The following SRPRB variants were observed in gnomAD, a reference collection of about 807,000 sequenced individuals.
The protein encoded by SRPRB is SRP receptor subunit beta, also known as signal recognition particle receptor subunit beta.
In SRPRB, 20 loss-of-function variants were observed where a neutral mutation model predicts 31.9. That is an observed-to-expected ratio of 0.63 (90% CI 0.44 to 0.91). The LOEUF (loss-of-function observed/expected upper bound fraction) is 0.91, where lower values mean the gene tolerates loss of function less well. SRPRB is among the 40% of genes least tolerant of loss of function. The pLI is 0.00. For synonymous variants in SRPRB, 146 were observed against 132.8 expected (o/e 1.10, Z -0.68); for missense variants, 321 against 324.9 (o/e 0.99, Z 0.09).
chr3:133,786,804 T>C (rs1576373203), intron 1 of SRPRB: 1 of 152,258 alleles, frequency 6.6e-6, no homozygotes, highest in East Asian at 1.9e-4. Flanking sequence ...TCAAGACTTC[T>C]GTGCATATAG....
At chr3:133,800,377 G>C (rs891461014) in intron 1 of SRPRB, among the ~76,000 whole-genome samples, 5 of 152,206 alleles carry the variant, frequency 3.3e-5, no homozygotes, top group Admixed American at 6.5e-5. Context: ...AATAAGCTTA[G>C]ATATGGTGCA....
chr3:133,806,557 A>G (rs1935164408), intron 1 of SRPRB, 52 bp from the exon 2 acceptor site: 4 of 1,441,560 alleles, frequency 2.8e-6, no homozygotes, highest in Non-Finnish European at 3.9e-6. Context: ...CCATGCACAT[A>G]TACTGATTCC....
chr3:133,810,325 T>C (rs938984406), intron 3 of SRPRB: 5 of 152,250 alleles, frequency 3.3e-5, no homozygotes, highest in Admixed American at 6.5e-5. Context: ...GTGGATAATG[T>C]AGAACATGTA....
At chr3:133,828,259 A>T (rs909185223), downstream of SRPRB, 1 of 489,142 alleles carries the variant, frequency 2.0e-6, no homozygotes, top group Non-Finnish European at 3.7e-6. Context: ...ATTTAACTGG[A>T]GTAGGGCCTA....
At position 133,813,424 on chromosome 3, in the gene SRPRB, A is replaced by G. The variant is rs188589666; in HGVS notation, c.411-2166A>G. Reference sequence around the variant, plus strand: ...TATCTTCCAGATCTTTCTACTTCGCATATTGTAAGATTCCCTCAGATTTGT... The same window carrying G: ...TATCTTCCAGATCTTTCTACTTCGCGTATTGTAAGATTCCCTCAGATTTGT... On this transcript the variant is annotated intron_variant, in intron 4 of 6. Coordinates refer to ENST00000678299, the MANE Select transcript of SRPRB (RefSeq NM_001379313.1). Among the ~76,000 whole-genome samples, 127 of 152,214 alleles carry G rather than the reference A, an allele frequency of 8.3e-4. 1 individual carries two copies. The highest frequency in any genetic ancestry group is 2.9e-4 in the Non-Finnish European group (20 of 68,020).
intron 2 of SRPRB, 85 bp downstream of exon 2, chr3:133,806,788 G>A: frequency 9.3e-7 from 1 of 1,079,300 alleles, no homozygotes; most frequent in Non-Finnish European, 1.4e-6. Context: ...GGTTTATTTT[G>A]TAAAAGAAGC....
intron 1 of SRPRB, chr3:133,793,595 G>C (rs1286285852): frequency 6.6e-6 from 1 of 152,070 alleles, no homozygotes; most frequent in Non-Finnish European, 1.5e-5. Flanking sequence ...ATATGTCTGA[G>C]TATATGCTAT....
chr3:133,794,220 A>G (rs1405489635), intron 1 of SRPRB: 1 of 152,318 alleles, frequency 6.6e-6, no homozygotes, highest in African/African-American at 2.4e-5. Flanking sequence ...TCTGCATTAC[A>G]TGACTCGTCA....
rs563903739 is a variant in SRPRB at position 133,816,930 on chromosome 3, A to C, written c.600A>C (p.Glu200Asp). Residue 200 changes from glutamate to aspartate, a missense_variant and splice_region_variant, in exon 6 of 7, where the codon GAA becomes GAC. By Grantham distance (45) the Glu-to-Asp change is conservative (BLOSUM62 2). Transcript: ENST00000678299. ...AKLIQQQLEK[E>D]LNTLRVTRSA... ...TAATTCAACAGCAGCTGGAGAAAGA[A>C]CTGTAAGTGTGAAAGAGGCCTGTTG... 186 of 1,610,374 alleles carry C rather than the reference A, an allele frequency of 1.2e-4. 3 individuals are homozygous for C. The highest frequency in any genetic ancestry group is 1.2e-3 in the South Asian group (104 of 90,122).
downstream of SRPRB, among the ~76,000 whole-genome samples, chr3:133,822,195 G>A (rs1404276969): frequency 6.6e-6 from 1 of 152,158 alleles, no homozygotes; most frequent in African/African-American, 2.4e-5. Context: ...GTATGACATA[G>A]ATGAGACTTT....
At chr3:133,812,405 G>GT (rs1226202651) in intron 4 of SRPRB, among the ~76,000 whole-genome samples, 3 of 152,070 alleles carry the variant, frequency 2.0e-5, no homozygotes, top group African/African-American at 7.2e-5. Flanking sequence ...CCAATTAAAT[G>GT]TTTTTTCTTT....
At chr3:133,812,742 C>G (rs1296483653) in intron 4 of SRPRB, among the ~76,000 whole-genome samples, 1 of 152,202 alleles carries the variant, frequency 6.6e-6, no homozygotes, top group Non-Finnish European at 1.5e-5. Context: ...ATATCAGTTT[C>G]CTTTTCCTGA....
intron 6 of SRPRB, among the ~76,000 whole-genome samples, chr3:133,817,245 G>C (rs1935383794): frequency 6.6e-6 from 1 of 152,146 alleles, no homozygotes; most frequent in East Asian, 1.9e-4. Context: ...ATGCCAACTT[G>C]AGAACGGTGT....
At chr3:133,823,126 G>A (rs1935500731), downstream of SRPRB, among the ~76,000 whole-genome samples, 1 of 152,212 alleles carries the variant, frequency 6.6e-6, no homozygotes, top group African/African-American at 2.4e-5. Context: ...GTGTGGGCTT[G>A]TGGTCAGCTG....
chr3:133,821,057 G>A lies in SRPRB; in HGVS notation c.*1291G>A, dbSNP rs1376458953. On this transcript the variant is annotated 3_prime_UTR_variant, in exon 7 of 7. Transcript: ENST00000678299. ...CACCCCACCTGGCCTTGAGGATCAG[G>A]GGGAGTCAAAGGATAAAGCATGGGG... 1 of 152,452 alleles carries A rather than the reference G, an allele frequency of 6.6e-6. No homozygotes were observed. The highest frequency in any genetic ancestry group is 2.4e-5 in the African/African-American group (1 of 41,436). 9.4% of individuals were successfully genotyped at this position (152,452 alleles called of 1,614,324 possible).
intron 4 of SRPRB, among the ~76,000 whole-genome samples, chr3:133,814,903 T>G (rs907947535): frequency 2.6e-5 from 4 of 152,228 alleles, no homozygotes; most frequent in Non-Finnish European, 5.9e-5. Context: ...TTGTCTTCCA[T>G]TTAGGCACCA....
intron 4 of SRPRB, among the ~76,000 whole-genome samples, chr3:133,812,765 TTAAC>T (rs1366533955): frequency 1.3e-5 from 2 of 152,198 alleles, no homozygotes; most frequent in African/African-American, 4.8e-5. Flanking sequence ...CTTAAACACT[TTAAC>T]TTTCATCTTC....
chr3:133,820,360 A>C lies in SRPRB; in HGVS notation c.*594A>C, dbSNP rs1935450636. ...TCAGTGACTTGTCCACACTCGTCTT[A>C]GCACTTACGTTTCAAAAGCTTGTCA... is the stretch of plus-strand genomic sequence containing the variant. On this transcript the variant is annotated 3_prime_UTR_variant, in exon 7 of 7. Coordinates refer to ENST00000678299, the MANE Select transcript of SRPRB (RefSeq NM_001379313.1). 6.5e-6 allele frequency: 1 copy of C among 154,652 alleles called. No individual in the cohort carries two copies. Among genetic ancestry groups the C allele is most frequent in the African/African-American group, 2.4e-5 (1 of 41,478 alleles). The allele number at this position is 154,652 out of a possible 1,614,324, so 9.6% of individuals were successfully genotyped here.
At chr3:133,813,890 A>T (rs1208810287) in intron 4 of SRPRB, among the ~76,000 whole-genome samples, 5 of 152,192 alleles carry the variant, frequency 3.3e-5, no homozygotes, top group South Asian at 4.1e-4. Context: ...TTTTTATGTA[A>T]GCCTTTCCCC....
Sources: allele counts gnomAD v4.1 joint callset (sites outside exome capture counted in the v4.1 genomes callset), GRCh38; gene constraint gnomAD v4.1.1; transcripts MANE v1.5; gene names NCBI Gene and HGNC (gene_info 2026-07-23, HGNC 2026-07-21).